Variants in ABCA13 observed in about 807,000 individuals in gnomAD.
ABCA13 encodes the protein ATP-binding cassette sub-family A member 13.
ABCA13 carries 476 observed loss-of-function variants against 478.7 expected under a neutral mutation model. That is an observed-to-expected ratio of 0.99 (90% CI 0.92 to 1.07). The LOEUF (loss-of-function observed/expected upper bound fraction) is 1.07, where lower values mean the gene tolerates loss of function less well. Ranked by LOEUF, ABCA13 falls within the 50% of genes least tolerant of loss-of-function variation. The probability of loss-of-function intolerance (pLI) is 0.00; values close to 1 mark genes in which losing one functional copy is unlikely to be tolerated. For synonymous variants in ABCA13, 2,252 were observed against 2,158.9 expected, an observed-to-expected ratio of 1.04 and a Z score of -1.20; for missense variants, 6,060 against 5,910.6, an observed-to-expected ratio of 1.03 and a Z score of -0.83.
At chr7:48,581,405 TTAA>T (rs752918058) in intron 56 of ABCA13, among the ~76,000 whole-genome samples, 21 of 152,332 alleles carry the variant, frequency 1.4e-4, no homozygotes, top group Non-Finnish European at 2.6e-4. Context: ...ATCTCCCGTC[TTAA>T]TAAAGCAAAG....
chr7:48,208,306 T>G (rs1290783704), intron 3 of ABCA13, among the ~76,000 whole-genome samples: 1 of 152,100 alleles, frequency 6.6e-6, no homozygotes, highest in East Asian at 1.9e-4. Flanking sequence ...ATTTTAGGAT[T>G]TTAAAAAATG....
At chr7:48,353,260 T>A (rs1172293655) in intron 31 of ABCA13, among the ~76,000 whole-genome samples, 1 of 151,716 alleles carries the variant, frequency 6.6e-6, no homozygotes, top group Admixed American at 6.6e-5. Context: ...GATTTCTTAC[T>A]TTCCTCATGG....
At chr7:48,317,423 T>A in intron 27 of ABCA13, 127 bp downstream of exon 27, 1 of 1,090,402 alleles carries the variant, frequency 9.2e-7, no homozygotes. Flanking sequence ...TTGAATCTAC[T>A]TCATTTTAGC....
chr7:48,455,215 C>T lies in ABCA13; in HGVS notation c.12744C>T (p.Pro4248=), dbSNP rs1367161786. 6.3e-7 allele frequency: 1 copy of T among 1,599,538 alleles called. No individual in the cohort carries two copies. Among genetic ancestry groups the T allele is most frequent in the Non-Finnish European group, 8.5e-7 (1 of 1,173,470 alleles). Residue 4248 remains proline, a synonymous_variant, in exon 43 of 62, where the codon CCC becomes CCT. Coordinates refer to ENST00000435803, the MANE Select transcript of ABCA13 (RefSeq NM_152701.5). ...CCATGGGCTTGTTCATGGTGAGACC[C>T]CTGGCCACCGAGTACCCTCCCCTCA... The part of the protein sequence containing the change: ...ALAMGLFMVR[P]LATEYPPLRL...
chr7:48,410,591 C>T lies in ABCA13; in HGVS notation c.12142C>T (p.Gln4048Ter), dbSNP rs779651682. 3 of 1,614,018 alleles carry T rather than the reference C, an allele frequency of 1.9e-6. No homozygotes were observed. The highest frequency in any genetic ancestry group is 2.2e-5 in the East Asian group (1 of 44,874). ...GCTGAGTGACCGCGTGGCCGTCCTCCAGCATGGGAGGCTCAGGTGCTGCGG... is the reference window on the plus strand; with the variant it reads ...GCTGAGTGACCGCGTGGCCGTCCTCTAGCATGGGAGGCTCAGGTGCTGCGG... ...EALSDRVAVLQHGRLRCCGPP... is the reference protein window; with the variant it reads ...EALSDRVAVL The change falls in exon 40 of 62, where the codon CAG becomes TAG. Residue 4048 changes from glutamine (Q) to a stop codon, truncating the protein, a stop_gained. Transcript: ENST00000435803. LOFTEE classifies it high-confidence loss of function.
intron 3 of ABCA13, among the ~76,000 whole-genome samples, chr7:48,210,738 A>C (rs1584215523): frequency 6.6e-6 from 1 of 152,064 alleles, no homozygotes; most frequent in African/African-American, 2.4e-5. Flanking sequence ...GAATTTTTTT[A>C]GACTTATTTT....
rs953726336 is a variant in ABCA13 at position 48,646,936 on chromosome 7, A to G, written c.*1424A>G. ...CTCAGATGTGGCTCTTAAAGACTAT[A>G]TACATCTGAATTTTTCATCCTATAG... is the stretch of plus-strand genomic sequence containing the variant. On this transcript the variant is annotated 3_prime_UTR_variant, in exon 62 of 62. Transcript: ENST00000435803. 1 of 152,216 alleles carries G rather than the reference A, an allele frequency of 6.6e-6. No homozygotes were observed. Among genetic ancestry groups the G allele is most frequent in the African/African-American group, 2.4e-5 (1 of 41,460 alleles). The allele number at this position is 152,216 out of a possible 1,614,324, so 9.4% of individuals were successfully genotyped here. A position where few individuals can be genotyped will look rare whatever the true frequency, so the allele number is the denominator to read the frequency against.
At chr7:48,634,778 T>A (rs531243802) in intron 59 of ABCA13, among the ~76,000 whole-genome samples, 5 of 152,216 alleles carry the variant, frequency 3.3e-5, no homozygotes, top group Non-Finnish European at 5.9e-5. Context: ...CTATAAATGT[T>A]TCTCCAAGCA....
intron 38 of ABCA13, among the ~76,000 whole-genome samples, chr7:48,400,121 A>T (rs1817397854): frequency 1.3e-5 from 2 of 151,292 alleles, no homozygotes; most frequent in East Asian, 1.9e-4. Flanking sequence ...GACTGATTTC[A>T]TATGCCACTG....
chr7:48,413,005 G>T lies in ABCA13; in HGVS notation c.12459+422G>T, dbSNP rs180934199. The stretch of plus-strand genomic sequence containing the variant: ...TTTTTGTATTTTTAGTAGAGATGGG[G>T]TTTCACCATGTTAGCCAGGATGGTC... On this transcript the variant is annotated intron_variant, in intron 41 of 61. Coordinates refer to ENST00000435803, the MANE Select transcript of ABCA13 (RefSeq NM_152701.5). 4.7e-4 allele frequency among the ~76,000 whole-genome samples: 72 copies of T among 151,742 alleles called. 1 individual carries two copies. In the East Asian group the frequency reaches 9.1e-3, roughly 19 times the overall value.
chr7:48,197,889 C>T (rs746002044), intron 2 of ABCA13, among the ~76,000 whole-genome samples: 1 of 152,152 alleles, frequency 6.6e-6, no homozygotes, highest in Non-Finnish European at 1.5e-5. Flanking sequence ...CCTTTCTATT[C>T]TTCCTACCCA....
At position 48,249,300 on chromosome 7, in the gene ABCA13, G is replaced by A. The variant is rs115106863; in HGVS notation, c.1954G>A (p.Glu652Lys). ...AFKKFIRKTCEVAQYVNMQES... is the reference protein window; with the variant it reads ...AFKKFIRKTCKVAQYVNMQES... ...CAAAAAGTTTATCAGGAAGACTTGC[G>A]AAGTGGCCCAATATGTAAATATGCA... Residue 652 changes from glutamate to lysine, a missense_variant, in exon 15 of 62, where the codon GAA becomes AAA. Physicochemically the swap from Glu to Lys is moderately conservative, Grantham distance 56 (BLOSUM62 1). Around this residue, in one of 3 missense-constraint regions of ABCA13, gnomAD observed 4,423 missense variants for 4,309.1 expected, o/e 1.03. Transcript: ENST00000435803. The A allele has an allele frequency of 2.0e-3, 3,156 of 1,613,222 alleles. 54 individuals carry two copies. In the African/African-American group the frequency reaches 0.038, roughly 19 times the overall value.
At chr7:48,408,744 G>A (rs1240964267) in intron 39 of ABCA13, among the ~76,000 whole-genome samples, 2 of 151,996 alleles carry the variant, frequency 1.3e-5, no homozygotes, top group Admixed American at 6.6e-5. Flanking sequence ...TTGTTATGTA[G>A]GTAAACTTGT....
At chr7:48,343,147 G>A (rs576104831) in intron 29 of ABCA13, among the ~76,000 whole-genome samples, 7 of 150,814 alleles carry the variant, frequency 4.6e-5, no homozygotes, top group Non-Finnish European at 8.9e-5. Flanking sequence ...GGAATATTAA[G>A]GATTAAAAAA....
chr7:48,330,144 T>C (rs1370800796), intron 27 of ABCA13, among the ~76,000 whole-genome samples: 1 of 151,718 alleles, frequency 6.6e-6, no homozygotes, highest in African/African-American at 2.4e-5. Context: ...CATCCATCCA[T>C]TCATCTATTT....
intron 42 of ABCA13, 31 bp downstream of exon 42, chr7:48,427,902 C>A (rs1359375015): frequency 2.8e-6 from 4 of 1,428,018 alleles, no homozygotes; most frequent in African/African-American, 2.9e-5. Flanking sequence ...TGCATTTCTG[C>A]TGGAGGAACA....
At chr7:48,176,087 G>A (rs932386463) in intron 1 of ABCA13, among the ~76,000 whole-genome samples, 1 of 152,146 alleles carries the variant, frequency 6.6e-6, no homozygotes, top group Non-Finnish European at 1.5e-5. Flanking sequence ...CATTCACAGG[G>A]TGGTTGTTGT....
chr7:48,180,340 T>C (rs1446596303), intron 1 of ABCA13, among the ~76,000 whole-genome samples: 4 of 152,160 alleles, frequency 2.6e-5, no homozygotes, highest in Admixed American at 2.6e-4. Context: ...CCACTTCTGT[T>C]GTGGGGTTTC....
intron 29 of ABCA13, among the ~76,000 whole-genome samples, chr7:48,349,231 C>T (rs1255440630): frequency 7.9e-5 from 12 of 152,208 alleles, no homozygotes; most frequent in Admixed American, 7.9e-4. Flanking sequence ...CAAATCCTTA[C>T]ACTCATGTCT....
Sources: allele counts gnomAD v4.1 joint callset (sites outside exome capture counted in the v4.1 genomes callset), GRCh38; gene constraint gnomAD v4.1.1; regional missense constraint gnomAD v4.1.1; transcripts MANE v1.5; gene names NCBI Gene and HGNC (gene_info 2026-07-23, HGNC 2026-07-21).